SMG6: variants seen among roughly 807,000 people sequenced by gnomAD.
SMG6 encodes telomerase-binding protein EST1A.
In SMG6, 66 loss-of-function variants were observed where a neutral mutation model predicts 142.2. The observed-to-expected ratio is 0.46, with a 90% CI of 0.38 to 0.57. The LOEUF is 0.57. SMG6 is among the 20% of genes least tolerant of loss of function. The pLI, the probability that SMG6 is intolerant of heterozygous loss-of-function variation, is 0.00. For synonymous variants in SMG6, 779 were observed against 702.4 expected (o/e 1.11, Z -1.72); for missense variants, 1,793 against 1,832.0 (o/e 0.98, Z 0.39).
chr17:2,187,293 G>C (rs548770783), intron 11 of SMG6, among the ~76,000 whole-genome samples: 56 of 152,230 alleles, frequency 3.7e-4, no homozygotes, highest in African/African-American at 1.2e-3. Context: ...CAAATTAAAG[G>C]ACATTAAAGA....
At position 2,282,626 on chromosome 17, in the gene SMG6, G is replaced by C. The variant is rs758433135; in HGVS notation, c.2661+21C>G. ...GCTTACTGAGCTAGTTTGGCTCATT[G>C]CATCATTCTCAGGAACTTACATCAC... On this transcript the variant is annotated intron_variant, in intron 8 of 18. Coordinates refer to ENST00000263073, the MANE Select transcript of SMG6 (RefSeq NM_017575.5). 6 of 1,612,028 alleles carry C rather than the reference G, an allele frequency of 3.7e-6. No homozygotes were observed. The East Asian group carries it at 1.3e-4, about 36-fold the overall frequency.
At chr17:2,202,566 A>G (rs918982363) in intron 10 of SMG6, among the ~76,000 whole-genome samples, 1 of 152,182 alleles carries the variant, frequency 6.6e-6, no homozygotes, top group African/African-American at 2.4e-5. Context: ...AGGAAAAAAA[A>G]AAATAGAGTA....
At chr17:2,087,152 G>C in intron 13 of SMG6, 1 of 1,290,542 alleles carries the variant, frequency 7.7e-7, no homozygotes, top group Non-Finnish European at 1.0e-6. Context: ...TGGTGGCAAA[G>C]CCTAAATCTC....
intron 15 of SMG6, among the ~76,000 whole-genome samples, chr17:2,080,187 G>A (rs1046495692): frequency 1.3e-5 from 2 of 152,094 alleles, no homozygotes; most frequent in Non-Finnish European, 2.9e-5. Context: ...GGAAGGCAGA[G>A]GCGGGCAGAT....
At chr17:2,114,952 A>AAAAT (rs1390366880) in intron 13 of SMG6, among the ~76,000 whole-genome samples, 1 of 101,722 alleles carries the variant, frequency 9.8e-6, no homozygotes, top group African/African-American at 4.5e-5. Context: ...AAAATAAAAT[A>AAAAT]AAAAAATGAA....
chr17:2,298,263 T>C (rs2075188340), intron 2 of SMG6, among the ~76,000 whole-genome samples: 1 of 152,220 alleles, frequency 6.6e-6, no homozygotes, highest in African/African-American at 2.4e-5. Context: ...TTTTTCCCCA[T>C]ATGTCTTCAC....
chr17:2,089,450 T>C (rs913924280), intron 13 of SMG6, among the ~76,000 whole-genome samples: 21 of 152,066 alleles, frequency 1.4e-4, no homozygotes, highest in African/African-American at 5.1e-4. Context: ...GTGTAGGCGA[T>C]TGTCAAGAAT....
chr17:2,198,544 G>A (rs529569907), intron 10 of SMG6, among the ~76,000 whole-genome samples: 26 of 152,182 alleles, frequency 1.7e-4, no homozygotes, highest in Non-Finnish European at 3.2e-4. Flanking sequence ...TCAGTTTCAC[G>A]ATGTTGATAT....
At chr17:2,065,445 C>G in intron 17 of SMG6, 23 bp downstream of exon 17, 1 of 1,604,768 alleles carries the variant, frequency 6.2e-7, no homozygotes, top group Non-Finnish European at 8.5e-7. Flanking sequence ...TGTGGGCTTT[C>G]CCTTCCTGCC....
intron 11 of SMG6, 47 bp downstream of exon 11, chr17:2,188,352 G>T: frequency 6.5e-7 from 1 of 1,526,880 alleles, no homozygotes; most frequent in Non-Finnish European, 9.1e-7. Context: ...TCTGGACAAG[G>T]CCAGGCAACT....
intron 13 of SMG6, among the ~76,000 whole-genome samples, chr17:2,170,192 C>T (rs2071460448): frequency 6.6e-6 from 1 of 152,080 alleles, no homozygotes; most frequent in Non-Finnish European, 1.5e-5. Flanking sequence ...GGAGACCTAC[C>T]TTAGTCTCAC....
At chr17:2,229,827 G>C (rs1414587483) in intron 10 of SMG6, among the ~76,000 whole-genome samples, 1 of 152,064 alleles carries the variant, frequency 6.6e-6, no homozygotes, top group African/African-American at 2.4e-5. Flanking sequence ...AATCTGGCCT[G>C]AGCCCCACAC....
At chr17:2,159,362 G>A (rs565021036) in intron 13 of SMG6, among the ~76,000 whole-genome samples, 4 of 152,222 alleles carry the variant, frequency 2.6e-5, no homozygotes, top group East Asian at 3.9e-4. Context: ...CCCAGGAGAC[G>A]GAGGCTGCAG....
intron 13 of SMG6, among the ~76,000 whole-genome samples, chr17:2,109,943 C>T (rs1447694444): frequency 2.0e-5 from 3 of 151,856 alleles, no homozygotes; most frequent in Admixed American, 6.6e-5. Context: ...ATTAGCCAGG[C>T]GTGGTGGTGC....
chr17:2,183,862 C>T (rs529953304), intron 12 of SMG6, among the ~76,000 whole-genome samples: 11 of 151,888 alleles, frequency 7.2e-5, no homozygotes, highest in Admixed American at 1.3e-4. Flanking sequence ...CCAGGACAGA[C>T]AGACAGACAG....
chr17:2,088,838 T>G (rs2068636529), intron 13 of SMG6: 1 of 985,420 alleles, frequency 1.0e-6, no homozygotes, highest in Non-Finnish European at 1.2e-6. Flanking sequence ...CTGTCTTAAC[T>G]TGGGGGGAAT....
chr17:2,244,741 G>A, intron 8 of SMG6, 22 bp from the exon 9 acceptor site: 1 of 1,603,918 alleles, frequency 6.2e-7, no homozygotes. Context: ...AAAGGGAGAG[G>A]AGAAAACAAT....
chr17:2,221,152 G>A (rs1042754051), intron 10 of SMG6, among the ~76,000 whole-genome samples: 2 of 152,176 alleles, frequency 1.3e-5, no homozygotes, highest in African/African-American at 2.4e-5. Context: ...CCAGGGTTAA[G>A]AGCTGATATG....
chr17:2,092,285 G>A (rs754479492), intron 13 of SMG6, among the ~76,000 whole-genome samples: 4 of 152,118 alleles, frequency 2.6e-5, no homozygotes, highest in Admixed American at 6.5e-5. Flanking sequence ...CCAACCCTCC[G>A]TAGTCCTATG....
Sources: gnomAD v4.1 joint callset for allele counts (sites outside exome capture counted in the v4.1 genomes callset) on GRCh38, gnomAD v4.1.1 for gene constraint, MANE v1.5 for transcripts, NCBI Gene and HGNC (gene_info 2026-07-23, HGNC 2026-07-21) for gene names.